Variants in GNAQ observed in about 807,000 individuals in gnomAD.
The protein encoded by GNAQ is G protein subunit alpha q.
GNAQ carries 8 observed loss-of-function variants against 43.9 expected under a neutral mutation model. That is an observed-to-expected ratio of 0.18 (90% CI 0.11 to 0.33). The LOEUF (loss-of-function observed/expected upper bound fraction) is 0.33, where lower values mean the gene tolerates loss of function less well. GNAQ is among the 10% of genes least tolerant of loss of function. The pLI is 1.00. For missense variants in GNAQ, 158 were observed against 450.8 expected, an observed-to-expected ratio of 0.35 and a Z score of 5.88; for synonymous variants, 155 against 170.7, an observed-to-expected ratio of 0.91 and a Z score of 0.71.
chr9:77,782,872 T>C (rs903626946), intron 5 of GNAQ, among the ~76,000 whole-genome samples: 1 of 152,142 alleles, frequency 6.6e-6, no homozygotes, highest in African/African-American at 2.4e-5. Flanking sequence ...CAGGAGAAGC[T>C]AGATGGAAGA....
intron 4 of GNAQ, among the ~76,000 whole-genome samples, chr9:77,797,134 G>A (rs1826671178): frequency 6.6e-6 from 1 of 152,078 alleles, no homozygotes; most frequent in Non-Finnish European, 1.5e-5. Flanking sequence ...CTGGGTTCAA[G>A]TGATTCTCTC....
chr9:77,991,677 T>C (rs1266588644), intron 1 of GNAQ, among the ~76,000 whole-genome samples: 1 of 152,154 alleles, frequency 6.6e-6, no homozygotes, highest in Non-Finnish European at 1.5e-5. Context: ...ACCCAAGCAG[T>C]GTACACCGTA....
chr9:77,762,138 T>C (rs1214513555), intron 5 of GNAQ, among the ~76,000 whole-genome samples: 241 of 61,048 alleles, frequency 3.9e-3, no homozygotes, highest in African/African-American at 6.4e-3. Context: ...GTCAGCCCCC[T>C]GCCCGGCCAG....
intron 5 of GNAQ, among the ~76,000 whole-genome samples, chr9:77,737,599 G>A (rs1248642338): frequency 2.6e-5 from 4 of 152,072 alleles, no homozygotes; most frequent in Non-Finnish European, 1.5e-5. Context: ...GCATCCCAAC[G>A]TATTCCAACT....
At chr9:77,872,605 T>C (rs1216105867) in intron 2 of GNAQ, among the ~76,000 whole-genome samples, 1 of 152,100 alleles carries the variant, frequency 6.6e-6, no homozygotes, top group Non-Finnish European at 1.5e-5. Flanking sequence ...TTTTAACACA[T>C]CTCAGCACAT....
intron 2 of GNAQ, among the ~76,000 whole-genome samples, chr9:77,869,158 A>C (rs1325569123): frequency 1.3e-5 from 2 of 152,112 alleles, no homozygotes; most frequent in African/African-American, 2.4e-5. Flanking sequence ...TAACCATGTA[A>C]GTAATTATTC....
intron 3 of GNAQ, among the ~76,000 whole-genome samples, chr9:77,798,318 A>G (rs1331462044): frequency 6.6e-6 from 1 of 152,170 alleles, no homozygotes; most frequent in Non-Finnish European, 1.5e-5. Context: ...CCCTTAAAAG[A>G]ATTTTTCTTT....
At chr9:77,769,939 TACAGACG>T (rs1208880056) in intron 5 of GNAQ, among the ~76,000 whole-genome samples, 1 of 152,094 alleles carries the variant, frequency 6.6e-6, no homozygotes, top group Non-Finnish European at 1.5e-5. Flanking sequence ...GTGCTGGGAT[TACAGACG>T]TGAGCCACCG....
intron 2 of GNAQ, among the ~76,000 whole-genome samples, chr9:77,904,979 T>G (rs962003629): frequency 6.6e-6 from 1 of 152,216 alleles, no homozygotes; most frequent in Non-Finnish European, 1.5e-5. Flanking sequence ...TGTAATAGTC[T>G]ATTGTTCAAC....
intron 1 of GNAQ, among the ~76,000 whole-genome samples, chr9:78,015,577 A>G (rs1823828785): frequency 6.6e-6 from 1 of 152,210 alleles, no homozygotes; most frequent in South Asian, 2.1e-4. Context: ...GTTTTAAGAC[A>G]AACACACATA....
rs1246968862 is a variant in GNAQ, at chr9:77,901,814, AG to A, written c.321+20346del. Among the ~76,000 whole-genome samples, 4 of 152,318 alleles carry A rather than the reference AG, an allele frequency of 2.6e-5. No individual in the cohort carries two copies. The South Asian group carries it at 8.3e-4, about 32-fold the overall frequency. On this transcript the variant is annotated intron_variant, in intron 2 of 6. Coordinates refer to ENST00000286548, the MANE Select transcript of GNAQ (RefSeq NM_002072.5). ...TTTATTTCTCACAGTCCTGGAGGCT[AG>A]GAAGTTCATGATCAAGGCACAGGCA...
At chr9:77,904,461 T>C (rs1828670754) in intron 2 of GNAQ, among the ~76,000 whole-genome samples, 2 of 150,766 alleles carry the variant, frequency 1.3e-5, no homozygotes, top group African/African-American at 2.4e-5. Context: ...GCCTCCCGAG[T>C]AGCTGGGACT....
At chr9:77,837,317 C>T (rs13284825) in intron 2 of GNAQ, among the ~76,000 whole-genome samples, 81,944 of 151,714 alleles carry the variant, frequency 0.54, 25,110 homozygotes, top group Middle Eastern at 0.69. Flanking sequence ...TTTGGGAGGC[C>T]GAGGCAGGCG....
intron 1 of GNAQ, among the ~76,000 whole-genome samples, chr9:77,934,637 T>A (rs1463223060): frequency 1.3e-5 from 2 of 152,126 alleles, no homozygotes; most frequent in Admixed American, 1.3e-4. Flanking sequence ...TAATTTCAAA[T>A]AATGACATTG....
chr9:77,758,873 C>G (rs1377155568), intron 5 of GNAQ, among the ~76,000 whole-genome samples: 3 of 151,936 alleles, frequency 2.0e-5, no homozygotes, highest in African/African-American at 7.2e-5. Context: ...AGTACAAATG[C>G]AAAGGCAAAT....
intron 1 of GNAQ, among the ~76,000 whole-genome samples, chr9:77,978,154 T>C (rs189826148): frequency 3.4e-4 from 52 of 152,306 alleles, no homozygotes; most frequent in Admixed American, 7.8e-4. Flanking sequence ...CCTTCCATTA[T>C]TGCTTTTACA....
chr9:77,866,294 A>G (rs1827945835), intron 2 of GNAQ, among the ~76,000 whole-genome samples: 1 of 152,176 alleles, frequency 6.6e-6, no homozygotes, highest in African/African-American at 2.4e-5. Flanking sequence ...CCTGGCCAAC[A>G]TGGTGAAGCC....
chr9:78,020,639 C>T (rs1823897588), intron 1 of GNAQ, among the ~76,000 whole-genome samples: 1 of 152,190 alleles, frequency 6.6e-6, no homozygotes, highest in Admixed American at 6.5e-5. Flanking sequence ...TGATTGAGAA[C>T]ATCAATCCAA....
rs1027253626 is a variant in GNAQ, at chr9:77,760,287, G to A, written c.736-31620C>T. On this transcript the variant is annotated intron_variant, in intron 5 of 6. Transcript: ENST00000286548. ...AGCTGGACTGTACTGCTGCCATCTCGGCTCACTGCAACCTCCCTGCCTGAT... is the reference window on the plus strand; with the variant it reads ...AGCTGGACTGTACTGCTGCCATCTCAGCTCACTGCAACCTCCCTGCCTGAT... Among the ~76,000 whole-genome samples, 202 of 151,316 alleles carry A rather than the reference G, an allele frequency of 1.3e-3. 2 individuals carry two copies. The highest frequency in any genetic ancestry group is 3.6e-3 in the African/African-American group (149 of 41,212).
Sources: allele counts gnomAD v4.1 joint callset (sites outside exome capture counted in the v4.1 genomes callset), GRCh38; gene constraint gnomAD v4.1.1; transcripts MANE v1.5; gene names NCBI Gene and HGNC (gene_info 2026-07-23, HGNC 2026-07-21).